PC: variants seen among roughly 807,000 people sequenced by gnomAD.
PC encodes pyruvate carboxylase.
A neutral mutation model predicts 107.8 loss-of-function variants in PC; 46 were observed. That is an observed-to-expected ratio of 0.43 (90% CI 0.34 to 0.55). The LOEUF (loss-of-function observed/expected upper bound fraction) is 0.55, where lower values mean the gene tolerates loss of function less well. PC is among the 20% of genes least tolerant of loss of function. The probability of loss-of-function intolerance (pLI) is 0.04; values close to 1 mark genes in which losing one functional copy is unlikely to be tolerated. For synonymous variants in PC, 662 were observed against 684.7 expected, an observed-to-expected ratio of 0.97 and a Z score of 0.52; for missense variants, 1,241 against 1,643.1, an observed-to-expected ratio of 0.76 and a Z score of 4.23.
intron 3 of PC, among the ~76,000 whole-genome samples, chr11:66,888,841 C>T (rs1947464386): frequency 6.6e-6 from 1 of 151,928 alleles, no homozygotes; most frequent in Admixed American, 6.6e-5. Flanking sequence ...TCTGGGAGGC[C>T]CAGGCGGGCA....
At chr11:66,912,891 T>A (rs544538061) in intron 3 of PC, among the ~76,000 whole-genome samples, 1 of 152,046 alleles carries the variant, frequency 6.6e-6, no homozygotes, top group Non-Finnish European at 1.5e-5. Flanking sequence ...TTTAGCCCCC[T>A]AGTTCAATGT....
Position 66,924,912 on chromosome 11 carries a change from G to C in PC, c.-1+27518C>G, listed in dbSNP as rs569577748. On this transcript the variant is annotated intron_variant, in intron 3 of 22. Coordinates refer to ENST00000393960, the MANE Select transcript of PC (RefSeq NM_001040716.2). The stretch of plus-strand genomic sequence containing the variant: ...AGTGTCAGCCAGTCTGAGAAATAAA[G>C]GGACAGAGTACAAAAGAGAGAAATT... Among the ~76,000 whole-genome samples the C allele has an allele frequency of 2.0e-5, 3 of 152,306 alleles. No homozygotes were observed. In the East Asian group the frequency reaches 5.8e-4, roughly 29 times the overall value.
intron 3 of PC, among the ~76,000 whole-genome samples, chr11:66,924,216 A>C: frequency 6.6e-6 from 1 of 150,590 alleles, no homozygotes; most frequent in Middle Eastern, 3.2e-3. Context: ...AAAAAAAAAA[A>C]AAGAAAGAAA....
Position 66,868,867 on chromosome 11 carries a change from G to A in PC, c.1001C>T (p.Thr334Met), listed in dbSNP as rs1469115511. 1.9e-6 allele frequency: 3 copies of A among 1,613,078 alleles called. No individual in the cohort carries two copies. The highest frequency in any genetic ancestry group is 1.7e-5 in the Admixed American group (1 of 60,016). Residue 334 changes from threonine (T) to methionine (M), a missense_variant, in exon 10 of 23, where the codon ACG becomes ATG. Thr to Met is a moderately conservative substitution (Grantham distance 81). This residue lies in a region of PC where 1,143 missense variants were observed against 1,551.9 expected (regional missense o/e 0.74). Transcript: ENST00000393960. ...TCACTCGGTGATCTCCTCTGTGACC[G>A]TGTGCTCCACCTGCAGGCGGGAGTT... ...EVNSRLQVEH[T>M]VTEEITDVDL...
rs375707315 is a variant in PC, at chr11:66,871,497, G to A, written c.322-17C>T. The A allele has an allele frequency of 5.0e-6, 8 of 1,612,986 alleles. No homozygotes were observed. The highest frequency in any genetic ancestry group is 1.6e-4 in the Middle Eastern group (1 of 6,062). ...GTTGTTCTCCTGCAGGTGGGGGTCA[G>A]GGAGAGGACGGTACCTTGCAGTCCC... On this transcript the variant is annotated splice_polypyrimidine_tract_variant and intron_variant, in intron 5 of 22. Coordinates refer to ENST00000393960, the MANE Select transcript of PC (RefSeq NM_001040716.2). The surrounding 1 kb of genome is among the most constrained non-coding windows in gnomAD (Gnocchi z 7.4).
intron 3 of PC, among the ~76,000 whole-genome samples, chr11:66,936,992 A>G (rs1170191125): frequency 2.0e-5 from 3 of 151,976 alleles, no homozygotes; most frequent in Admixed American, 6.6e-5. Context: ...ACAGGTATGC[A>G]CCACCACGCC....
chr11:66,880,297 G>A (rs777019963), intron 3 of PC, among the ~76,000 whole-genome samples: 1 of 152,178 alleles, frequency 6.6e-6, no homozygotes, highest in Non-Finnish European at 1.5e-5. Flanking sequence ...GGAATAAGCC[G>A]ACTCTGGGTA....
chr11:66,923,614 A>G (rs1948644997), intron 3 of PC, among the ~76,000 whole-genome samples: 2 of 151,884 alleles, frequency 1.3e-5, no homozygotes, highest in Non-Finnish European at 2.9e-5. Flanking sequence ...CCCAGATGCA[A>G]GTGATTCTCC....
intron 3 of PC, among the ~76,000 whole-genome samples, chr11:66,917,044 C>A (rs553643743): frequency 6.6e-6 from 1 of 152,034 alleles, no homozygotes; most frequent in African/African-American, 2.4e-5. Flanking sequence ...ATCTACAAAC[C>A]AAGAGCCCTC....
chr11:66,898,913 G>A (rs769637560), intron 3 of PC, among the ~76,000 whole-genome samples: 6 of 151,876 alleles, frequency 4.0e-5, no homozygotes, highest in Non-Finnish European at 5.9e-5. Flanking sequence ...CTTGTTGCCC[G>A]GGCTGGAGTG....
chr11:66,904,226 C>T (rs553436129), intron 3 of PC, among the ~76,000 whole-genome samples: 20 of 152,268 alleles, frequency 1.3e-4, no homozygotes, highest in African/African-American at 4.8e-4. Flanking sequence ...CACCCTGCCC[C>T]TTCTCAGGTG....
chr11:66,850,345 C>T lies in PC; in HGVS notation c.2593G>A (p.Glu865Lys). 1 of 1,614,122 alleles carries T rather than the reference C, an allele frequency of 6.2e-7. No individual in the cohort carries two copies. Among genetic ancestry groups the T allele is most frequent in the Non-Finnish European group, 8.5e-7 (1 of 1,180,012 alleles). The stretch of plus-strand genomic sequence containing the variant: ...TTGGTGTACTGGCCCCCTGGGATCT[C>T]ATTTTCATACACGTCCGAGTTGCCA... Reference protein sequence around the residue: ...KSGNSDVYENEIPGGQYTNLH... With the variant: ...KSGNSDVYENKIPGGQYTNLH... Residue 865 changes from glutamate to lysine, a missense_variant, in exon 19 of 23, where the codon GAG becomes AAG. Coordinates refer to ENST00000393960, the MANE Select transcript of PC (RefSeq NM_001040716.2).
intron 3 of PC, among the ~76,000 whole-genome samples, chr11:66,896,959 C>T (rs1020243812): frequency 6.6e-6 from 1 of 152,088 alleles, no homozygotes; most frequent in African/African-American, 2.4e-5. Flanking sequence ...GAGATGGAGT[C>T]TCACTCTTGT....
At position 66,916,394 on chromosome 11, in the gene PC, A is replaced by G. The variant is rs569485942; in HGVS notation, c.-1+36036T>C. Among the ~76,000 whole-genome samples, 4 of 152,252 alleles carry G rather than the reference A, an allele frequency of 2.6e-5. No individual in the cohort carries two copies. The East Asian group carries it at 7.7e-4, about 29-fold the overall frequency. On this transcript the variant is annotated intron_variant, in intron 3 of 22. Transcript: ENST00000393960. ...AGCCACTGTGACCGACCTGCCAAGCAGTTTTGTATGTGCAGTCTGTGCTCT... is the reference window on the plus strand; with the variant it reads ...AGCCACTGTGACCGACCTGCCAAGCGGTTTTGTATGTGCAGTCTGTGCTCT...
chr11:66,853,280 C>T lies in PC; in HGVS notation c.1472G>A (p.Arg491Gln), dbSNP rs1591127203. 8.1e-6 allele frequency: 13 copies of T among 1,613,874 alleles called. No individual in the cohort carries two copies. Among genetic ancestry groups the T allele is most frequent in the Non-Finnish European group, 1.0e-5 (12 of 1,180,014 alleles). Residue 491 changes from arginine (R) to glutamine (Q), a missense_variant, in exon 13 of 23, where the codon CGG becomes CAG. Physicochemically the swap from Arg to Gln is conservative, Grantham distance 43. Around this residue, in one of 2 missense-constraint regions of PC, gnomAD observed 1,143 missense variants for 1,551.9 expected, o/e 0.74. Transcript: ENST00000393960. ...IDENPELFQLRPAQNRAQKLL... is the reference protein window; with the variant it reads ...IDENPELFQLQPAQNRAQKLL... The stretch of plus-strand genomic sequence containing the variant: ...CTTTTGGGCCCGGTTCTGTGCAGGC[C>T]GCAGCTGGAACAGCTCTGGGTTCTC...
rs527559823 is a variant in PC at position 66,849,319 on chromosome 11, C to A, written c.3199G>T (p.Asp1067Tyr). The A allele has an allele frequency of 6.2e-7, 1 of 1,613,442 alleles. No homozygotes were observed. The highest frequency in any genetic ancestry group is 8.5e-7 in the Non-Finnish European group (1 of 1,180,046). ...TLHIKALAVS[D>Y]LNRAGQRQVF... ...TGCCTCTGGCCGGCCCGGTTCAGGT[C>A]GCTCACGGCCAGGGCTTTGATGTGC... The change falls in exon 22 of 23, where the codon GAC (aspartate) becomes TAC (tyrosine). Residue 1067 changes from aspartate (D) to tyrosine (Y), a missense_variant. Coordinates refer to ENST00000393960, the MANE Select transcript of PC (RefSeq NM_001040716.2).
chr11:66,923,678 C>T (rs1021062018), intron 3 of PC, among the ~76,000 whole-genome samples: 2 of 151,870 alleles, frequency 1.3e-5, no homozygotes, highest in Non-Finnish European at 2.9e-5. Flanking sequence ...CACCACCACA[C>T]TCAACTAATT....
At chr11:66,882,197 C>T (rs1947209713) in intron 3 of PC, among the ~76,000 whole-genome samples, 1 of 152,272 alleles carries the variant, frequency 6.6e-6, no homozygotes, top group South Asian at 2.1e-4. Flanking sequence ...AGAAGGAGCA[C>T]AGAATCCTGC....
At chr11:66,883,164 G>T (rs1384119670) in intron 3 of PC, among the ~76,000 whole-genome samples, 2 of 152,170 alleles carry the variant, frequency 1.3e-5, no homozygotes, top group Admixed American at 1.3e-4. Context: ...AGGAGCAGCC[G>T]AGGGGGAAAG....
Sources: allele counts gnomAD v4.1 joint callset (sites outside exome capture counted in the v4.1 genomes callset), GRCh38; gene constraint gnomAD v4.1.1; regional missense constraint gnomAD v4.1.1; non-coding constraint Gnocchi (gnomAD v3.1); transcripts MANE v1.5; gene names NCBI Gene and HGNC (gene_info 2026-07-23, HGNC 2026-07-21).